EML4: variants seen among roughly 807,000 people sequenced by gnomAD.
EML4 encodes the protein EMAP like 4.
In EML4, 72 loss-of-function variants were observed where a neutral mutation model predicts 129.0. The observed-to-expected ratio is 0.56, with a 90% CI of 0.46 to 0.68. The LOEUF (loss-of-function observed/expected upper bound fraction) is 0.68. Among genes scored for constraint, EML4 ranks in the 30% least tolerant of loss-of-function variants. The pLI is 0.00. For missense variants in EML4, 1,363 were observed against 1,190.6 expected (o/e 1.14, Z -2.13); for synonymous variants, 532 against 405.0 (o/e 1.31, Z -3.77).
chr2:42,326,979 A>G (rs1572766309), intron 21 of EML4, among the ~76,000 whole-genome samples: 1 of 151,842 alleles, frequency 6.6e-6, no homozygotes, highest in Non-Finnish European at 1.5e-5. Flanking sequence ...CCACAAAGAA[A>G]CTCTGTACCC....
chr2:42,190,755 T>C (rs1399739100), intron 1 of EML4, among the ~76,000 whole-genome samples: 2 of 152,204 alleles, frequency 1.3e-5, no homozygotes, highest in African/African-American at 4.8e-5. Flanking sequence ...GCTTCTTAAC[T>C]CTGTTGTAGC....
intron 1 of EML4, among the ~76,000 whole-genome samples, chr2:42,219,238 G>T (rs1673399476): frequency 6.6e-6 from 1 of 152,142 alleles, no homozygotes; most frequent in Non-Finnish European, 1.5e-5. Flanking sequence ...AACTGGGCAG[G>T]TCCACTGATA....
At chr2:42,187,635 TTCTTTC>T (rs1247848809) in intron 1 of EML4, among the ~76,000 whole-genome samples, 1 of 152,062 alleles carries the variant, frequency 6.6e-6, no homozygotes, top group African/African-American at 2.4e-5. Flanking sequence ...TGAATCTGTT[TTCTTTC>T]TCTATGAATT....
chr2:42,193,759 C>T (rs1361727878), intron 1 of EML4, among the ~76,000 whole-genome samples: 3 of 151,676 alleles, frequency 2.0e-5, no homozygotes, highest in African/African-American at 7.3e-5. Context: ...AATCATGGCT[C>T]ACTGCAGCCT....
intron 22 of EML4, 108 bp from the exon 23 acceptor site, chr2:42,329,626 C>T: frequency 1.2e-6 from 1 of 824,090 alleles, no homozygotes; most frequent in South Asian, 1.6e-5. Context: ...AATTGGATTG[C>T]CCATTTCACA....
In EML4 at chr2:42,256,570, C is replaced by G. The variant is rs749498054; in HGVS notation, c.278C>G (p.Pro93Arg). 1.9e-6 allele frequency: 3 copies of G among 1,613,872 alleles called. No individual in the cohort carries two copies. The highest frequency in any genetic ancestry group is 2.2e-5 in the East Asian group (1 of 44,864). The part of the protein sequence containing the change: ...ITNGSGANRK[P>R]SHTSAVSIAG... Reference sequence around the variant, plus strand: ...AATGGAAGTGGTGCAAACAGAAAACCAAGTCATACCAGTGCTGTCTCAATT... The same window carrying G: ...AATGGAAGTGGTGCAAACAGAAAACGAAGTCATACCAGTGCTGTCTCAATT... Residue 93 changes from proline to arginine, a missense_variant, in exon 3 of 23, where the codon CCA becomes CGA. Transcript: ENST00000318522.
In EML4 at chr2:42,245,637, C is replaced by A. The variant is rs764680789; in HGVS notation, c.158C>A (p.Ala53Glu). 2.2e-5 allele frequency: 36 copies of A among 1,613,420 alleles called. No individual in the cohort carries two copies. The highest frequency in any genetic ancestry group is 3.0e-5 in the Non-Finnish European group (35 of 1,179,666). The change falls in exon 2 of 23, where the codon GCA (alanine) becomes GAA (glutamate). Residue 53 changes from alanine to glutamate, a missense_variant. By Grantham distance (107) the Ala-to-Glu change is moderately radical. Transcript: ENST00000318522. Reference protein sequence around the residue: ...AALADVLRRLAISEDHVASVK... With the variant: ...AALADVLRRLEISEDHVASVK... ...TTGGCTGATGTTTTGAGGCGTCTTG[C>A]AATCTCTGAAGATCATGTGGCCTCA...
chr2:42,317,490 A>G lies in EML4; in HGVS notation c.2120A>G (p.Asn707Ser), dbSNP rs1669304693. 4 of 1,612,222 alleles carry G rather than the reference A, an allele frequency of 2.5e-6. No individual in the cohort carries two copies. Among genetic ancestry groups the G allele is most frequent in the Non-Finnish European group, 3.4e-6 (4 of 1,178,854 alleles). The change falls in exon 19 of 23, where the codon AAT becomes AGT. Residue 707 changes from asparagine to serine, a missense_variant. Asn to Ser is a conservative substitution (Grantham distance 46). Transcript: ENST00000318522. The stretch of plus-strand genomic sequence containing the variant: ...ATTTACCTCTATGTAGTCTCTGAAA[A>G]TGGAAGAAAATATAGCAGATATGGA... Reference protein sequence around the residue: ...NFIYLYVVSENGRKYSRYGRC... With the variant: ...NFIYLYVVSESGRKYSRYGRC...
At chr2:42,190,176 A>T (rs1224198843) in intron 1 of EML4, among the ~76,000 whole-genome samples, 1 of 152,190 alleles carries the variant, frequency 6.6e-6, no homozygotes, top group South Asian at 2.1e-4. Context: ...TAAGCTTTAG[A>T]CTATTTGAGT....
In EML4 at chr2:42,264,737, TTAAAAA is replaced by T; in HGVS notation, c.667+8_667+13del. 1 of 1,457,262 alleles carries T rather than the reference TTAAAAA, an allele frequency of 6.9e-7. No individual in the cohort carries two copies. The highest frequency in any genetic ancestry group is 9.5e-7 in the Non-Finnish European group (1 of 1,053,812). The allele number at this position is 1,457,262 out of a possible 1,614,324, so 90.3% of individuals were successfully genotyped here. A position where few individuals can be genotyped will look rare whatever the true frequency, so the allele number is the denominator to read the frequency against. On this transcript the variant is annotated splice_region_variant and intron_variant, in intron 6 of 22. Transcript: ENST00000318522. ...AGATGTCATCATCAACCAAGGTAAATTAAAAATCCTTTTAAAAATTTTATTTTGCCC... is the reference window on the plus strand; with the variant it reads ...AGATGTCATCATCAACCAAGGTAAATTCCTTTTAAAAATTTTATTTTGCCC...
At position 42,188,472 on chromosome 2, in the gene EML4, T is replaced by A. The variant is rs547319341; in HGVS notation, c.25+18836T>A. Among the ~76,000 whole-genome samples the A allele has an allele frequency of 7.2e-5, 11 of 152,214 alleles. No homozygotes were observed. The South Asian group carries it at 2.3e-3, about 32-fold the overall frequency. ...CCTGGGCTGAAGTGATCCGCCAGTC[T>A]CAGCCTCTCAAAGTGCTGGGATTAC... On this transcript the variant is annotated intron_variant, in intron 1 of 22. Transcript: ENST00000318522.
intron 1 of EML4, among the ~76,000 whole-genome samples, chr2:42,210,396 A>G (rs1672823300): frequency 6.6e-6 from 1 of 152,182 alleles, no homozygotes; most frequent in South Asian, 2.1e-4. Context: ...CATCACATCA[A>G]AAGAAGTATA....
chr2:42,296,596 C>G (rs2103687336), intron 13 of EML4, among the ~76,000 whole-genome samples: 1 of 152,228 alleles, frequency 6.6e-6, no homozygotes, highest in East Asian at 1.9e-4. Context: ...ACATATCTGC[C>G]TTCCCCAATA....
intron 11 of EML4, among the ~76,000 whole-genome samples, chr2:42,294,885 T>G (rs1667857568): frequency 6.6e-6 from 1 of 152,178 alleles, no homozygotes; most frequent in Non-Finnish European, 1.5e-5. Context: ...TTCATATAAG[T>G]GTCTTTCTAA....
chr2:42,266,320 A>T (rs1443417654), intron 6 of EML4, among the ~76,000 whole-genome samples: 1 of 152,316 alleles, frequency 6.6e-6, no homozygotes, highest in Non-Finnish European at 1.5e-5. Flanking sequence ...ATGAAATTTT[A>T]TTTATGAAGA....
intron 17 of EML4, among the ~76,000 whole-genome samples, chr2:42,313,216 A>G (rs1669059048): frequency 6.6e-6 from 1 of 151,930 alleles, no homozygotes; most frequent in Non-Finnish European, 1.5e-5. Context: ...TCGGCCTCCC[A>G]AAGTGCTGGG....
intron 1 of EML4, among the ~76,000 whole-genome samples, chr2:42,174,538 G>A (rs4516480): frequency 3.3e-5 from 5 of 152,004 alleles, no homozygotes; most frequent in Non-Finnish European, 2.9e-5. Context: ...TGATGGCCAC[G>A]CACCTTGGCC....
In EML4 at chr2:42,256,602, A is replaced by G. The variant is rs763754427; in HGVS notation, c.310A>G (p.Lys104Glu). 8 of 1,613,932 alleles carry G rather than the reference A, an allele frequency of 5.0e-6. No individual in the cohort carries two copies. In the Admixed American group the frequency reaches 5.0e-5, roughly 10 times the overall value. ...TACCAGTGCTGTCTCAATTGCAGGA[A>G]AAGAAACTCTTTCATCTGCTGCTAA... ...SHTSAVSIAG[K>E]ETLSSAAKSG... Residue 104 changes from lysine (K) to glutamate (E), a missense_variant, in exon 3 of 23, where the codon AAA becomes GAA. By Grantham distance (56) the Lys-to-Glu change is moderately conservative. Transcript: ENST00000318522.
intron 17 of EML4, among the ~76,000 whole-genome samples, chr2:42,305,638 A>T (rs1251230550): frequency 6.6e-6 from 1 of 152,218 alleles, no homozygotes; most frequent in Non-Finnish European, 1.5e-5. Flanking sequence ...TATGATTTAT[A>T]TATCTTTAAT....
Sources: allele counts gnomAD v4.1 joint callset (sites outside exome capture counted in the v4.1 genomes callset), GRCh38; gene constraint gnomAD v4.1.1; transcripts MANE v1.5; gene names NCBI Gene and HGNC (gene_info 2026-07-23, HGNC 2026-07-21).